ARHGAP6: variants seen among roughly 807,000 people sequenced by gnomAD.
ARHGAP6 encodes Rho GTPase activating protein 6, also known as rho GTPase-activating protein 6.
In ARHGAP6, 16 loss-of-function variants were observed where a neutral mutation model predicts 55.7. The observed-to-expected ratio is 0.29, with a 90% CI of 0.19 to 0.44. The LOEUF is 0.44. Ranked by LOEUF, ARHGAP6 falls within the 20% of genes least tolerant of loss-of-function variation. The probability of loss-of-function intolerance (pLI) is 1.00; values close to 1 mark genes in which losing one functional copy is unlikely to be tolerated. For synonymous variants in ARHGAP6, 382 were observed against 360.9 expected (o/e 1.06, Z -0.66); for missense variants, 698 against 808.9 (o/e 0.86, Z 1.66).
intron 1 of ARHGAP6, chrX:11,427,832 AG>A (rs1569340658): frequency 1.3e-5 from 5 of 397,687 alleles, no homozygotes; most frequent in Non-Finnish European, 1.6e-5. Context: ...GAGGAGGAGG[AG>A]GAGGAGGAGG....
At chrX:11,152,894 A>G (rs2045803998) in intron 10 of ARHGAP6, among the ~76,000 whole-genome samples, 1 of 111,820 alleles carries the variant, frequency 8.9e-6, no homozygotes, top group South Asian at 3.7e-4. Context: ...GCAGCCTATG[A>G]AAATGAACCA....
intron 1 of ARHGAP6, among the ~76,000 whole-genome samples, chrX:11,270,879 G>A (rs2047685133): frequency 8.9e-6 from 1 of 111,983 alleles, no homozygotes; most frequent in Non-Finnish European, 1.9e-5. Context: ...TGAGTACAGA[G>A]TGTGAAATTT....
At chrX:11,357,076 C>T (rs1290597400) in intron 1 of ARHGAP6, among the ~76,000 whole-genome samples, 2 of 111,555 alleles carry the variant, frequency 1.8e-5, no homozygotes, top group East Asian at 2.8e-4. Flanking sequence ...TCCATTGAAA[C>T]CTTTTCTTGC....
chrX:11,175,629 G>A (rs2046201097), intron 8 of ARHGAP6, among the ~76,000 whole-genome samples: 1 of 111,482 alleles, frequency 9.0e-6, no homozygotes, highest in South Asian at 3.8e-4. Flanking sequence ...TCTCAACCAG[G>A]GGTGATTTTG....
intron 1 of ARHGAP6, among the ~76,000 whole-genome samples, chrX:11,307,673 T>A (rs2048251818): frequency 8.9e-6 from 1 of 112,637 alleles, no homozygotes; most frequent in Admixed American, 9.4e-5. Flanking sequence ...GAGACAATTC[T>A]CAATTTTTAA....
intron 1 of ARHGAP6, among the ~76,000 whole-genome samples, chrX:11,361,306 A>C (rs1161857518): frequency 9.1e-6 from 1 of 110,181 alleles, no homozygotes; most frequent in Non-Finnish European, 1.9e-5. Context: ...CAAAACAGAG[A>C]TATAGATCAA....
chrX:11,286,155 T>C (rs893516828), intron 1 of ARHGAP6, among the ~76,000 whole-genome samples: 1 of 112,270 alleles, frequency 8.9e-6, no homozygotes, highest in Admixed American at 9.4e-5. Flanking sequence ...CACTGGCATA[T>C]ACTATTGAAT....
chrX:11,392,854 G>A (rs1338001563), intron 1 of ARHGAP6, among the ~76,000 whole-genome samples: 1 of 111,776 alleles, frequency 8.9e-6, no homozygotes, highest in East Asian at 2.8e-4. Context: ...ATTTGAACTT[G>A]ATATTAAGTA....
chrX:11,461,281 CTGACATGT>C (rs2050241768), intron 1 of ARHGAP6, among the ~76,000 whole-genome samples: 1 of 112,105 alleles, frequency 8.9e-6, no homozygotes, highest in South Asian at 3.7e-4. Context: ...GAAGGAATTA[CTGACATGT>C]TCACGAAAGA....
intron 7 of ARHGAP6, 39 bp from the exon 8 acceptor site, chrX:11,178,287 G>T: frequency 8.6e-7 from 1 of 1,163,575 alleles, no homozygotes; most frequent in Non-Finnish European, 1.1e-6. Context: ...TAAAAGGGGA[G>T]CCCATACTAT....
At position 11,169,622 on chromosome X, in the gene ARHGAP6, G is replaced by C; in HGVS notation, c.1692C>G (p.His564Gln). ...ATTCTTTGTCTGATGACTTCTGCTTGTGCAGCAGGTTGGGTCCAAATATGG... is the reference window on the plus strand; with the variant it reads ...ATTCTTTGTCTGATGACTTCTGCTTCTGCAGCAGGTTGGGTCCAAATATGG... ...LATIFGPNLLHKQKSSDKEFS... is the reference protein window; with the variant it reads ...LATIFGPNLLQKQKSSDKEFS... The change falls in exon 9 of 13, where the codon CAC becomes CAG. Residue 564 changes from histidine (H) to glutamine (Q), a missense_variant. Coordinates refer to ENST00000337414, the MANE Select transcript of ARHGAP6 (RefSeq NM_013427.3). 8.3e-7 allele frequency: 1 copy of C among 1,208,013 alleles called. No individual in the cohort carries two copies.
In ARHGAP6 at chrX:11,153,988, G is replaced by A. The variant is rs762574984; in HGVS notation, c.1907+2541C>T. ...CTCCCCCCATCCCACAACAGACCCC[G>A]GAGTGTGATGTTCCCCTTCCTGTGT... On this transcript the variant is annotated intron_variant, in intron 10 of 12. Transcript: ENST00000337414. 2.9e-3 allele frequency among the ~76,000 whole-genome samples: 311 copies of A among 107,385 alleles called. 1 individual carries two copies. The highest frequency in any genetic ancestry group is 0.01 in the African/African-American group (306 of 29,313). The allele number at this position is 107,385 out of a possible 115,157, so 93.3% of individuals were successfully genotyped here. A position where few individuals can be genotyped will look rare whatever the true frequency, so the allele number is the denominator to read the frequency against.
At chrX:11,409,152 C>T (rs1391663432) in intron 1 of ARHGAP6, among the ~76,000 whole-genome samples, 1 of 112,230 alleles carries the variant, frequency 8.9e-6, no homozygotes, top group Admixed American at 9.5e-5. Flanking sequence ...CTTTGCTCCT[C>T]AGCATCTTTG....
At chrX:11,298,769 C>G in intron 1 of ARHGAP6, 1 of 1,211,240 alleles carries the variant, frequency 8.3e-7, no homozygotes, top group Non-Finnish European at 1.1e-6. Flanking sequence ...TCCCTCCGCC[C>G]GCCCAGCAGC....
At chrX:11,631,802 A>G (rs1224640407) in intron 1 of ARHGAP6, among the ~76,000 whole-genome samples, 3 of 112,408 alleles carry the variant, frequency 2.7e-5, no homozygotes, top group African/African-American at 9.7e-5. Context: ...GGGTGTAGCT[A>G]TGTCCCAATA....
chrX:11,646,468 T>G lies in ARHGAP6; in HGVS notation c.588+17773A>C, dbSNP rs1043508859. Among the ~76,000 whole-genome samples the G allele has an allele frequency of 2.7e-5, 3 of 111,161 alleles. No homozygotes were observed. In the East Asian group the frequency reaches 8.5e-4, roughly 31 times the overall value. ...ATAAACGCTGAGGAACAATAAGAAATGTGTTCAAGATTCCAAGGTTACAAA... is the reference window on the plus strand; with the variant it reads ...ATAAACGCTGAGGAACAATAAGAAAGGTGTTCAAGATTCCAAGGTTACAAA... On this transcript the variant is annotated intron_variant, in intron 1 of 12. Coordinates refer to ENST00000337414, the MANE Select transcript of ARHGAP6 (RefSeq NM_013427.3).
chrX:11,272,964 C>T (rs930505367), intron 1 of ARHGAP6, among the ~76,000 whole-genome samples: 6 of 111,903 alleles, frequency 5.4e-5, no homozygotes, highest in African/African-American at 9.7e-5. Flanking sequence ...GAGTATCCAA[C>T]GCTTTTAAGC....
At chrX:11,648,568 G>A (rs778664379) in intron 1 of ARHGAP6, among the ~76,000 whole-genome samples, 13 of 111,757 alleles carry the variant, frequency 1.2e-4, no homozygotes, top group African/African-American at 1.9e-4. Flanking sequence ...ATTTGAGAAC[G>A]AATTAAAGTA....
At chrX:11,171,355 C>T (rs1462883823) in intron 8 of ARHGAP6, among the ~76,000 whole-genome samples, 1 of 107,106 alleles carries the variant, frequency 9.3e-6, no homozygotes, top group African/African-American at 3.4e-5. Flanking sequence ...TTGTAACTTG[C>T]TTACTATCTC....
Sources: allele counts gnomAD v4.1 joint callset (sites outside exome capture counted in the v4.1 genomes callset), GRCh38; gene constraint gnomAD v4.1.1; transcripts MANE v1.5; gene names NCBI Gene and HGNC (gene_info 2026-07-23, HGNC 2026-07-21).